The following IFT43 variants were observed in gnomAD, a reference collection of about 807,000 sequenced individuals.
IFT43 encodes intraflagellar transport protein 43 homolog.
In IFT43, 33 loss-of-function variants were observed where a neutral mutation model predicts 32.3. The observed-to-expected ratio is 1.02, with a 90% CI of 0.77 to 1.37. IFT43 has a LOEUF of 1.37. IFT43 is among the 40% of genes most tolerant of loss of function. The probability of loss-of-function intolerance (pLI) is 0.00; values close to 1 mark genes in which losing one functional copy is unlikely to be tolerated. For missense variants in IFT43, 274 were observed against 265.9 expected (o/e 1.03, Z -0.21); for synonymous variants, 93 against 98.2 (o/e 0.95, Z 0.31).
At chr14:76,027,568 G>A (rs1012498340) in intron 3 of IFT43, among the ~76,000 whole-genome samples, 3 of 152,040 alleles carry the variant, frequency 2.0e-5, no homozygotes, top group African/African-American at 7.2e-5. Context: ...AATTAGCTAG[G>A]TGTGGTGGCG....
chr14:76,054,777 G>A (rs1406490690), intron 3 of IFT43, among the ~76,000 whole-genome samples: 1 of 152,186 alleles, frequency 6.6e-6, no homozygotes, highest in Non-Finnish European at 1.5e-5. Flanking sequence ...TCTCAGCTCT[G>A]CAGACAGCCT....
In IFT43 at chr14:76,055,232, GCTA is replaced by G. The variant is rs575572688; in HGVS notation, c.216-3407_216-3405del. Among the ~76,000 whole-genome samples the G allele has an allele frequency of 1.8e-4, 27 of 152,002 alleles. No homozygotes were observed. In the East Asian group the frequency reaches 5.2e-3, roughly 29 times the overall value. On this transcript the variant is annotated intron_variant, in intron 3 of 8. Coordinates refer to ENST00000314067, the MANE Select transcript of IFT43 (RefSeq NM_001102564.3). ...ACGGTGGCACGCACTTGTAGTCCCA[GCTA>G]CTCAGGAGGCTGAGGTGGGAGGATA... is the stretch of plus-strand genomic sequence containing the variant.
intron 2 of IFT43, among the ~76,000 whole-genome samples, chr14:75,999,240 T>TA (rs1167945114): frequency 0.021 from 217 of 10,418 alleles, no homozygotes; most frequent in Admixed American, 0.093. Context: ...TATATATATA[T>TA]ATATATATAT....
intron 2 of IFT43, among the ~76,000 whole-genome samples, chr14:75,990,835 C>T (rs1160496912): frequency 1.3e-5 from 2 of 152,244 alleles, no homozygotes; most frequent in African/African-American, 4.8e-5. Flanking sequence ...GCACTTTACA[C>T]TGTTCCACAT....
rs972795335 is a variant in IFT43, at chr14:76,022,387, G to A, written c.208G>A (p.Ala70Thr). The A allele has an allele frequency of 1.2e-6, 2 of 1,601,896 alleles. No homozygotes were observed. Among genetic ancestry groups the A allele is most frequent in the African/African-American group, 2.7e-5 (2 of 74,610 alleles). The change falls in exon 3 of 9, where the codon GCT becomes ACT. Residue 70 changes from alanine to threonine, a missense_variant. Ala to Thr is a moderately conservative substitution (Grantham distance 58). Coordinates refer to ENST00000314067, the MANE Select transcript of IFT43 (RefSeq NM_001102564.3). ...AGGCTGGGCAGGTGATTCCGTGAAG[G>A]CTTCGAAGTGAGTACCAGCAGCTCA... ...QGGWAGDSVK[A>T]SKFRRKASEE...
At chr14:76,035,121 C>T (rs563615630) in intron 3 of IFT43, among the ~76,000 whole-genome samples, 1 of 152,330 alleles carries the variant, frequency 6.6e-6, no homozygotes, top group East Asian at 1.9e-4. Context: ...CAATCACCCT[C>T]TCCCTCCCAG....
intron 3 of IFT43, among the ~76,000 whole-genome samples, chr14:76,034,606 A>G (rs1485976054): frequency 2.0e-5 from 3 of 152,222 alleles, no homozygotes; most frequent in African/African-American, 7.2e-5. Flanking sequence ...CTGTTTATGA[A>G]TCTGATTGAG....
chr14:76,054,745 C>G (rs962656745), intron 3 of IFT43, among the ~76,000 whole-genome samples: 3 of 152,252 alleles, frequency 2.0e-5, no homozygotes, highest in African/African-American at 7.2e-5. Context: ...AGAAATAAAC[C>G]GGCAGCCCAA....
At chr14:76,083,370 C>T (rs1161080091) in intron 8 of IFT43, 81 bp downstream of exon 8, 17 of 1,613,484 alleles carry the variant, frequency 1.1e-5, no homozygotes, top group Middle Eastern at 1.7e-4. Flanking sequence ...GCCTGTGCCT[C>T]CCTGAGGCCT....
At chr14:76,045,237 T>C (rs983021092) in intron 3 of IFT43, among the ~76,000 whole-genome samples, 3 of 152,220 alleles carry the variant, frequency 2.0e-5, no homozygotes, top group African/African-American at 7.2e-5. Flanking sequence ...TCTGCTCATC[T>C]TTTTCCCCTG....
rs2036125107 is a variant in IFT43 at position 76,013,492 on chromosome 14, C to T, written c.148-8835C>T. On this transcript the variant is annotated intron_variant, in intron 2 of 8. Transcript: ENST00000314067. ...AGCAGTGGCTGGCCTAGGTGTGCGT[C>T]CTGTGTTTCAGATTGCCCTGGGGAG... Among the ~76,000 whole-genome samples the T allele has an allele frequency of 2.0e-5, 3 of 152,202 alleles. No homozygotes were observed. The South Asian group carries it at 6.2e-4, about 32-fold the overall frequency.
intron 3 of IFT43, among the ~76,000 whole-genome samples, chr14:76,022,934 C>A (rs1204133229): frequency 1.3e-5 from 2 of 152,194 alleles, no homozygotes; most frequent in African/African-American, 2.4e-5. Context: ...TAAAGGGGAA[C>A]AATACAGATG....
At chr14:76,008,392 A>G (rs1401613299) in intron 2 of IFT43, among the ~76,000 whole-genome samples, 1 of 152,244 alleles carries the variant, frequency 6.6e-6, no homozygotes. Flanking sequence ...TGAAAATAAT[A>G]TAATAGCCAC....
At chr14:75,997,722 G>T (rs1185991869) in intron 2 of IFT43, among the ~76,000 whole-genome samples, 2 of 151,236 alleles carry the variant, frequency 1.3e-5, no homozygotes, top group African/African-American at 4.9e-5. Context: ...GCTGTGAATA[G>T]AATTCTATTA....
chr14:75,991,388 A>AGGGTGT (rs1164783988), intron 2 of IFT43, among the ~76,000 whole-genome samples: 1 of 141,988 alleles, frequency 7.0e-6, no homozygotes, highest in African/African-American at 2.6e-5. Flanking sequence ...TATTAACAAG[A>AGGGTGT]GTGTGTGTGT....
At chr14:76,073,936 C>T (rs999441364) in intron 5 of IFT43, among the ~76,000 whole-genome samples, 24 of 152,106 alleles carry the variant, frequency 1.6e-4, no homozygotes. Flanking sequence ...AATTCGATTC[C>T]GAGTGGCTGT....
chr14:75,997,245 G>C (rs1372012774), intron 2 of IFT43, among the ~76,000 whole-genome samples: 1 of 152,230 alleles, frequency 6.6e-6, no homozygotes, highest in Non-Finnish European at 1.5e-5. Context: ...TAGAGGGGTG[G>C]TCGTAAGTGA....
intron 2 of IFT43, among the ~76,000 whole-genome samples, chr14:75,999,888 C>G (rs1208309989): frequency 6.6e-6 from 1 of 152,150 alleles, no homozygotes; most frequent in East Asian, 1.9e-4. Context: ...AGGGAGCCCA[C>G]AAAGATTTTA....
chr14:76,072,370 C>T (rs1481510683), intron 5 of IFT43, among the ~76,000 whole-genome samples: 1 of 152,168 alleles, frequency 6.6e-6, no homozygotes, highest in African/African-American at 2.4e-5. Context: ...CTTGACCAGA[C>T]CTCCTCTTGC....
Sources: allele counts gnomAD v4.1 joint callset (sites outside exome capture counted in the v4.1 genomes callset), GRCh38; gene constraint gnomAD v4.1.1; transcripts MANE v1.5; gene names NCBI Gene and HGNC (gene_info 2026-07-23, HGNC 2026-07-21).